LZTFL1: variants seen among roughly 807,000 people sequenced by gnomAD.
LZTFL1 encodes the protein leucine zipper transcription factor like 1, also known as leucine zipper transcription factor-like protein 1.
Under a neutral mutation model 45.9 loss-of-function variants are expected in LZTFL1, and 25 were observed. The observed-to-expected ratio is 0.54, with a 90% CI of 0.40 to 0.76. The LOEUF is 0.76. Ranked by LOEUF, LZTFL1 falls within the 30% of genes least tolerant of loss-of-function variation. The probability of loss-of-function intolerance (pLI) is 0.00; values close to 1 mark genes in which losing one functional copy is unlikely to be tolerated. For synonymous variants in LZTFL1, 93 were observed against 117.4 expected, an observed-to-expected ratio of 0.79 and a Z score of 1.35; for missense variants, 277 against 331.1, an observed-to-expected ratio of 0.84 and a Z score of 1.27.
chr3:45,832,950 C>T, intron 5 of LZTFL1, 100 bp downstream of exon 5: 1 of 850,894 alleles, frequency 1.2e-6, no homozygotes, highest in Non-Finnish European at 1.9e-6. Flanking sequence ...ACTAATTATC[C>T]TCAGAGGACC....
intron 1 of LZTFL1, 138 bp from the exon 2 acceptor site, chr3:45,838,189 A>G: frequency 2.2e-6 from 2 of 896,832 alleles, no homozygotes; most frequent in South Asian, 1.8e-5. Context: ...TCCTGGCTGC[A>G]TGGCTGCCCA....
At chr3:45,829,167 C>G (rs1266514542) in intron 7 of LZTFL1, among the ~76,000 whole-genome samples, 1 of 152,108 alleles carries the variant, frequency 6.6e-6, no homozygotes, top group Non-Finnish European at 1.5e-5. Flanking sequence ...TTTTTGCATA[C>G]TTTGACAACT....
chr3:45,867,566 G>A (rs1701597723), intron 2 of LZTFL1, among the ~76,000 whole-genome samples: 1 of 152,052 alleles, frequency 6.6e-6, no homozygotes, highest in Non-Finnish European at 1.5e-5. Context: ...ATCTTAGGCT[G>A]GGCACCGTGG....
chr3:45,908,305 G>A (rs576470133), intron 2 of LZTFL1, among the ~76,000 whole-genome samples: 7 of 152,342 alleles, frequency 4.6e-5, no homozygotes, highest in East Asian at 3.9e-4. Context: ...TGAGACCACC[G>A]TGCTGGAGAG....
chr3:45,823,407 T>G lies in LZTFL1; in HGVS notation c.*2907A>C, dbSNP rs555847085. On this transcript the variant is annotated 3_prime_UTR_variant, in exon 10 of 10. Coordinates refer to ENST00000296135, the MANE Select transcript of LZTFL1 (RefSeq NM_020347.4). ...AGAGGAAGTTATACTTCATATAATG[T>G]AAGAGATTGAGTACTGTTCACATCA... The G allele has an allele frequency of 1.3e-5, 2 of 152,342 alleles. No individual in the cohort carries two copies. Among genetic ancestry groups the G allele is most frequent in the East Asian group, 3.9e-4 (2 of 5,190 alleles). 9.4% of individuals were successfully genotyped at this position (152,342 alleles called of 1,614,324 possible). A position where few individuals can be genotyped will look rare whatever the true frequency, so the allele number is the denominator to read the frequency against.
intron 9 of LZTFL1, among the ~76,000 whole-genome samples, chr3:45,826,878 T>C (rs1700682085): frequency 1.3e-5 from 2 of 152,264 alleles, no homozygotes; most frequent in African/African-American, 4.8e-5. Context: ...GGGTATCATG[T>C]GACTGCTAAG....
At chr3:45,870,229 C>A (rs938591169) in intron 2 of LZTFL1, among the ~76,000 whole-genome samples, 2 of 152,310 alleles carry the variant, frequency 1.3e-5, no homozygotes, top group Admixed American at 1.3e-4. Context: ...AAACCAGGTG[C>A]CTGGCTGTCA....
intron 3 of LZTFL1, among the ~76,000 whole-genome samples, chr3:45,858,769 G>A (rs1482651715): frequency 6.6e-6 from 1 of 152,174 alleles, no homozygotes; most frequent in Non-Finnish European, 1.5e-5. Flanking sequence ...TTATTAAAAA[G>A]AGCAAAGAGT....
chr3:45,913,089 G>A, intron 2 of LZTFL1: 1 of 1,533,440 alleles, frequency 6.5e-7, no homozygotes. Context: ...CGCAGTAGCA[G>A]TAATATGTTC....
In LZTFL1 at chr3:45,898,160, T is replaced by G. The variant is rs369596382; in HGVS notation, c.-215+14960A>C. 3.9e-5 allele frequency among the ~76,000 whole-genome samples: 6 copies of G among 152,308 alleles called. No homozygotes were observed. The East Asian group carries it at 1.2e-3, about 29-fold the overall frequency. On this transcript the variant is annotated intron_variant, in intron 2 of 4. Coordinates refer to the LZTFL1 transcript ENST00000472635. ...TCCCAACCTCTTAAACCTGCTGTGA[T>G]GTCCACTGTGGGGTCTCCATGCTCT... is the stretch of plus-strand genomic sequence containing the variant.
chr3:45,901,641 T>C lies in LZTFL1; in HGVS notation c.-215+11479A>G. 2 of 1,614,200 alleles carry C rather than the reference T, an allele frequency of 1.2e-6. No individual in the cohort carries two copies. The highest frequency in any genetic ancestry group is 1.7e-6 in the Non-Finnish European group (2 of 1,180,002). On this transcript the variant is annotated intron_variant, in intron 2 of 4. Coordinates refer to the LZTFL1 transcript ENST00000472635. The surrounding 1 kb of genome is among the most constrained non-coding windows in gnomAD (Gnocchi z 4.3). ...GCAGACCATTGACGCCTATGCCATG[T>C]TCATCTCCAACTGTGCCGTTTCCAC...
At chr3:45,829,297 A>G (rs927525764) in intron 7 of LZTFL1, among the ~76,000 whole-genome samples, 1 of 152,178 alleles carries the variant, frequency 6.6e-6, no homozygotes, top group African/African-American at 2.4e-5. Flanking sequence ...CAATTGGTTA[A>G]TATGTAGATG....
intron 2 of LZTFL1, among the ~76,000 whole-genome samples, chr3:45,864,521 G>T (rs1195431849): frequency 6.6e-6 from 1 of 152,108 alleles, no homozygotes; most frequent in Non-Finnish European, 1.5e-5. Context: ...TTTAATATTT[G>T]GTTAATATTT....
At chr3:45,895,928 A>C (rs892007312) in intron 2 of LZTFL1, among the ~76,000 whole-genome samples, 2 of 152,216 alleles carry the variant, frequency 1.3e-5, no homozygotes, top group African/African-American at 4.8e-5. Flanking sequence ...CAGACTTCCT[A>C]GCAGGCGGGC....
Position 45,901,370 on chromosome 3 carries a change from C to T in LZTFL1, c.-215+11750G>A, listed in dbSNP as rs1262121704. On this transcript the variant is annotated intron_variant, in intron 2 of 4. Coordinates refer to the LZTFL1 transcript ENST00000472635. The surrounding 1 kb of genome is among the most constrained non-coding windows in gnomAD (Gnocchi z 4.3). ...ACAGCCAAATCAAGGAGGAATCCGG[C>T]ATTGCTATCTGCACCATGGTTTACC... 6.2e-6 allele frequency: 10 copies of T among 1,614,200 alleles called. No homozygotes were observed. Among genetic ancestry groups the T allele is most frequent in the Non-Finnish European group, 8.5e-6 (10 of 1,180,032 alleles).
chr3:45,826,399 A>G (rs1700664697), intron 9 of LZTFL1, 67 bp from the exon 10 acceptor site: 1 of 1,307,860 alleles, frequency 7.6e-7, no homozygotes, highest in Non-Finnish European at 1.1e-6. Context: ...AAATAAGTTT[A>G]CTTGAAGCAG....
Position 45,833,094 on chromosome 3 carries a change from G to C in LZTFL1, c.412C>G (p.Leu138Val), listed in dbSNP as rs1271202786. ...KPILDVTKPK[L>V]APLNEGGTAE... is the part of the protein sequence containing the mutation. ...GTTCCACCTTCATTAAGTGGAGCAA[G>C]TTTTGGCTTTGTGACATCTAAGATG... The change falls in exon 5 of 10, where the codon CTT (leucine) becomes GTT (valine). Residue 138 changes from leucine to valine, a missense_variant. Leu to Val is a conservative substitution (Grantham distance 32, BLOSUM62 1). Transcript: ENST00000296135. 6.2e-7 allele frequency: 1 copy of C among 1,613,574 alleles called. No individual in the cohort carries two copies. Among genetic ancestry groups the C allele is most frequent in the Non-Finnish European group, 8.5e-7 (1 of 1,179,712 alleles).
rs1417457123 is a variant in LZTFL1, at chr3:45,900,121, C to T, written c.-215+12999G>A. 6.6e-6 allele frequency among the ~76,000 whole-genome samples: 1 copy of T among 152,072 alleles called. No individual in the cohort carries two copies. Among genetic ancestry groups the T allele is most frequent in the Non-Finnish European group, 1.5e-5 (1 of 68,026 alleles). On this transcript the variant is annotated intron_variant, in intron 2 of 4. Transcript: ENST00000472635. The surrounding 1 kb of genome is among the most constrained non-coding windows in gnomAD (Gnocchi z 4.7). ...TGCAACCCACACAGTCACATAGGGG[C>T]CCTGTGCTTAGAAGTGCTGCTTGTT...
chr3:45,851,114 A>G (rs1701300589), intron 4 of LZTFL1, among the ~76,000 whole-genome samples: 1 of 152,074 alleles, frequency 6.6e-6, no homozygotes, highest in Non-Finnish European at 1.5e-5. Flanking sequence ...CCTTGTTGAA[A>G]TTTTGAACTC....
Sources: allele counts gnomAD v4.1 joint callset (sites outside exome capture counted in the v4.1 genomes callset), GRCh38; gene constraint gnomAD v4.1.1; non-coding constraint Gnocchi (gnomAD v3.1); transcripts MANE v1.5; gene names NCBI Gene and HGNC (gene_info 2026-07-23, HGNC 2026-07-21).